ESYT2: variants seen among roughly 807,000 people sequenced by gnomAD.
The protein encoded by ESYT2 is extended synaptotagmin-2.
Under a neutral mutation model 107.2 loss-of-function variants are expected in ESYT2, and 54 were observed. The ratio of observed to expected loss-of-function variants is 0.50; its 90% CI spans 0.40 to 0.63. The LOEUF (loss-of-function observed/expected upper bound fraction) is 0.63. Ranked by LOEUF, ESYT2 falls within the 30% of genes least tolerant of loss-of-function variation. The pLI, the probability that ESYT2 is intolerant of heterozygous loss-of-function variation, is 0.00. For missense variants in ESYT2, 1,020 were observed against 1,094.5 expected, an observed-to-expected ratio of 0.93 and a Z score of 0.96; for synonymous variants, 491 against 434.1, an observed-to-expected ratio of 1.13 and a Z score of -1.63.
chr7:158,774,100 T>C (rs1838468382), intron 6 of ESYT2, among the ~76,000 whole-genome samples: 3 of 152,232 alleles, frequency 2.0e-5, no homozygotes, highest in African/African-American at 7.2e-5. Context: ...CCGCTTTTCC[T>C]AACAAAACAG....
In ESYT2 at chr7:158,829,395, G is replaced by A. The variant is rs1563047631; in HGVS notation, c.24C>T (p.Gly8=). 2.5e-6 allele frequency: 3 copies of A among 1,217,506 alleles called. No individual in the cohort carries two copies. Among genetic ancestry groups the A allele is most frequent in the East Asian group, 3.5e-5 (1 of 28,214 alleles). The allele number at this position is 1,217,506 out of a possible 1,614,324, so 75.4% of individuals were successfully genotyped here. ...CAGCCCCGCCGGCGCCCGCCTCCGG[G>A]CCCTCGCCCCGGGCGCCGCTCATCG... MSGARGE[G]PEAGAGGAGG... Residue 8 remains glycine, a synonymous_variant, in exon 1 of 23, where the codon GGC becomes GGT. Transcript: ENST00000275418.
chr7:158,733,991 A>T lies in ESYT2; in HGVS notation c.*216T>A. 8.9e-6 allele frequency: 5 copies of T among 561,432 alleles called. No homozygotes were observed. The highest frequency in any genetic ancestry group is 1.6e-5 in the Non-Finnish European group (5 of 318,832). The allele number at this position is 561,432 out of a possible 1,614,324, so 34.8% of individuals were successfully genotyped here. A position where few individuals can be genotyped will look rare whatever the true frequency, so the allele number is the denominator to read the frequency against. ...CTACCGCCGCCCTACTGCACGTTGT[A>T]GGAACTGGCGAAATCCTAGAGGAAA... is the stretch of plus-strand genomic sequence containing the variant. On this transcript the variant is annotated 3_prime_UTR_variant, in exon 23 of 23. Transcript: ENST00000275418.
At chr7:158,735,667 TA>T in intron 20 of ESYT2, 59 bp from the exon 21 acceptor site, 1 of 1,416,342 alleles carries the variant, frequency 7.1e-7, no homozygotes, top group Non-Finnish European at 9.9e-7. Context: ...TTCTTATAAC[TA>T]AAAATGGCAT....
chr7:158,814,935 T>A (rs567757532), intron 1 of ESYT2, among the ~76,000 whole-genome samples: 98 of 148,168 alleles, frequency 6.6e-4, no homozygotes, highest in African/African-American at 2.3e-3. Context: ...CCTACTGCCA[T>A]CAAGAGAGAG....
chr7:158,779,624 G>A (rs915100076), intron 6 of ESYT2, among the ~76,000 whole-genome samples: 1 of 152,080 alleles, frequency 6.6e-6, no homozygotes, highest in Non-Finnish European at 1.5e-5. Flanking sequence ...GGACCCACAT[G>A]GGAAGAAACG....
intron 15 of ESYT2, among the ~76,000 whole-genome samples, chr7:158,749,257 G>A (rs1166786616): frequency 1.3e-5 from 2 of 150,556 alleles, no homozygotes; most frequent in Admixed American, 1.3e-4. Flanking sequence ...CAGGCACCCG[G>A]CACCGCACCC....
rs113876248 is a variant in ESYT2 at position 158,787,393 on chromosome 7, G to A, written c.747+611C>T. Reference sequence around the variant, plus strand: ...AACAAATCTGGTCCCAAGCATCTCCGATAACATTCAACCTGTATATAAAAC... The same window carrying A: ...AACAAATCTGGTCCCAAGCATCTCCAATAACATTCAACCTGTATATAAAAC... On this transcript the variant is annotated intron_variant, in intron 6 of 22. Transcript: ENST00000275418. Among the ~76,000 whole-genome samples the A allele has an allele frequency of 6.9e-3, 1,043 of 152,228 alleles. 17 individuals carry two copies. The highest frequency in any genetic ancestry group is 0.024 in the African/African-American group (978 of 41,540).
rs542560476 is a variant in ESYT2 at position 158,796,751 on chromosome 7, G to C, written c.507+1191C>G. ...AGTGCGGGCGAGAGGGAAGCAGGAC[G>C]GTCTCCCAGGAGAGACGGGAAAAGG... On this transcript the variant is annotated intron_variant, in intron 3 of 22. Coordinates refer to ENST00000275418, the MANE Select transcript of ESYT2 (RefSeq NM_001367773.1). 1.5e-3 allele frequency among the ~76,000 whole-genome samples: 221 copies of C among 151,970 alleles called. 1 individual carries two copies. The highest frequency in any genetic ancestry group is 4.8e-3 in the African/African-American group (199 of 41,436).
Position 158,743,676 on chromosome 7 carries a change from G to C in ESYT2, c.1647C>G (p.Val549=). Reference sequence around the variant, plus strand: ...GGGAACACTGGTGCTGCTCGTCTCTGACCTGCAAAACACAGGGTGGAAACA... The same window carrying C: ...GGGAACACTGGTGCTGCTCGTCTCTCACCTGCAAAACACAGGGTGGAAACA... ...NPKRQDLEVE[V]RDEQHQCSLG... is the part of the protein sequence containing the mutation. Residue 549 remains valine, a splice_region_variant and synonymous_variant, in exon 17 of 23, where the codon GTC becomes GTG. Transcript: ENST00000275418. 6.2e-7 allele frequency: 1 copy of C among 1,607,968 alleles called. No individual in the cohort carries two copies. Among genetic ancestry groups the C allele is most frequent in the Non-Finnish European group, 8.5e-7 (1 of 1,178,420 alleles).
At chr7:158,823,164 G>A (rs1258431824) in intron 1 of ESYT2, among the ~76,000 whole-genome samples, 1 of 150,288 alleles carries the variant, frequency 6.7e-6, no homozygotes, top group Non-Finnish European at 1.5e-5. Flanking sequence ...ATGTGGCGGT[G>A]TGCGCCTGTA....
At chr7:158,781,805 AGT>A (rs1400358228) in intron 6 of ESYT2, among the ~76,000 whole-genome samples, 15 of 151,490 alleles carry the variant, frequency 9.9e-5, no homozygotes, top group African/African-American at 2.2e-4. Context: ...GTGAGAACAA[AGT>A]GTGAGATGTG....
At chr7:158,738,930 T>C in intron 19 of ESYT2, 93 bp downstream of exon 19, 1 of 1,229,276 alleles carries the variant, frequency 8.1e-7, no homozygotes, top group African/African-American at 1.5e-5. Context: ...CATAAATGGA[T>C]GTTTGGAAAT....
rs1836727107 is a variant in ESYT2 at position 158,731,001 on chromosome 7, C to T, written c.*3206G>A. 1 of 152,186 alleles carries T rather than the reference C, an allele frequency of 6.6e-6. No individual in the cohort carries two copies. The highest frequency in any genetic ancestry group is 1.5e-5 in the Non-Finnish European group (1 of 68,040). The allele number at this position is 152,186 out of a possible 1,614,324, so 9.4% of individuals were successfully genotyped here. ...CAGAGAAAAACAAATCACGACTGAGCTAACATAAAGGTTTTATTGAATAAA... is the reference window on the plus strand; with the variant it reads ...CAGAGAAAAACAAATCACGACTGAGTTAACATAAAGGTTTTATTGAATAAA... On this transcript the variant is annotated 3_prime_UTR_variant, in exon 23 of 23. Transcript: ENST00000275418.
chr7:158,758,869 C>G (rs549313052), intron 13 of ESYT2, among the ~76,000 whole-genome samples: 13 of 152,304 alleles, frequency 8.5e-5, no homozygotes, highest in African/African-American at 3.1e-4. Context: ...ACCTATAAAA[C>G]AACATTTTAC....
chr7:158,794,346 T>A (rs1839398300), intron 3 of ESYT2, among the ~76,000 whole-genome samples: 1 of 152,030 alleles, frequency 6.6e-6, no homozygotes, highest in Non-Finnish European at 1.5e-5. Context: ...GTAAAAAAAA[T>A]TAGCTAAGAT....
In ESYT2 at chr7:158,749,146, A is replaced by G. The variant is rs111443954; in HGVS notation, c.1557+503T>C. ...TTTTGAGACAGAGTCTTGCTCTGTCACCCAGGCTGAAGTGCAGTAGTGCAA... is the reference window on the plus strand; with the variant it reads ...TTTTGAGACAGAGTCTTGCTCTGTCGCCCAGGCTGAAGTGCAGTAGTGCAA... On this transcript the variant is annotated intron_variant, in intron 15 of 22. Coordinates refer to ENST00000275418, the MANE Select transcript of ESYT2 (RefSeq NM_001367773.1). Among the ~76,000 whole-genome samples, 772 of 151,622 alleles carry G rather than the reference A, an allele frequency of 5.1e-3. 4 individuals are homozygous for G. Among genetic ancestry groups the G allele is most frequent in the African/African-American group, 0.018 (741 of 41,336 alleles).
intron 2 of ESYT2, among the ~76,000 whole-genome samples, chr7:158,798,536 C>T (rs951956794): frequency 2.0e-5 from 3 of 148,846 alleles, no homozygotes; most frequent in Non-Finnish European, 4.4e-5. Context: ...ATCCCAGCTA[C>T]TCGGGAGGCT....
At chr7:158,757,900 C>A (rs1211619391) in intron 13 of ESYT2, among the ~76,000 whole-genome samples, 1 of 152,112 alleles carries the variant, frequency 6.6e-6, no homozygotes, top group Non-Finnish European at 1.5e-5. Flanking sequence ...AAATAGAAAA[C>A]AAATTCACTT....
intron 16 of ESYT2, among the ~76,000 whole-genome samples, chr7:158,745,034 A>G (rs1220985186): frequency 6.6e-6 from 1 of 152,258 alleles, no homozygotes; most frequent in African/African-American, 2.4e-5. Context: ...CTTTTGTATA[A>G]AACAGAATGT....
Sources: allele counts gnomAD v4.1 joint callset (sites outside exome capture counted in the v4.1 genomes callset), GRCh38; gene constraint gnomAD v4.1.1; transcripts MANE v1.5; gene names NCBI Gene and HGNC (gene_info 2026-07-23, HGNC 2026-07-21).